The following AGO2 variants were observed in gnomAD, a reference collection of about 807,000 sequenced individuals.
AGO2 encodes the protein protein argonaute-2.
In AGO2, 5 loss-of-function variants were observed where a neutral mutation model predicts 102.3. The ratio of observed to expected loss-of-function variants is 0.05; its 90% confidence interval spans 0.03 to 0.10. The LOEUF (loss-of-function observed/expected upper bound fraction) is 0.10, where lower values mean the gene tolerates loss of function less well. Ranked by LOEUF, AGO2 falls within the 10% of genes least tolerant of loss-of-function variation. The pLI is 1.00. For synonymous variants in AGO2, 449 were observed against 473.1 expected (o/e 0.95, Z 0.66); for missense variants, 541 against 1,183.7 (o/e 0.46, Z 7.97).
At chr8:140,597,576 A>G (rs2073867338) in intron 1 of AGO2, among the ~76,000 whole-genome samples, 2 of 150,646 alleles carry the variant, frequency 1.3e-5, no homozygotes, top group Admixed American at 1.3e-4. Flanking sequence ...GGAAGGAGAA[A>G]TAAATGAGCA....
At chr8:140,579,664 G>A (rs1357789070) in intron 2 of AGO2, among the ~76,000 whole-genome samples, 2 of 150,420 alleles carry the variant, frequency 1.3e-5, no homozygotes, top group Admixed American at 6.6e-5. Context: ...GTCTTTTGTT[G>A]TTCTTTTTTT....
chr8:140,542,005 G>C (rs779185958), intron 14 of AGO2, among the ~76,000 whole-genome samples: 1 of 152,162 alleles, frequency 6.6e-6, no homozygotes, highest in Non-Finnish European at 1.5e-5. Context: ...AATGGGTGGG[G>C]GTGTCCCTAT....
Position 140,572,929 on chromosome 8 carries a change from T to A in AGO2, c.219A>T (p.Glu73Asp). 6.2e-7 allele frequency: 1 copy of A among 1,607,092 alleles called. No individual in the cohort carries two copies. Among genetic ancestry groups the A allele is most frequent in the Non-Finnish European group, 8.5e-7 (1 of 1,177,418 alleles). Residue 73 changes from glutamate (E) to aspartate (D), a missense_variant, in exon 3 of 19, where the codon GAA becomes GAT. Coordinates refer to ENST00000220592, the MANE Select transcript of AGO2 (RefSeq NM_012154.5). ...PEKCPRRVNR[E>D]IVEHMVQHFK... ...AGTGCTGGACCATGTGTTCCACGAT[T>A]TCCCTGAAACAAAGACAAAAGTCGG... is the stretch of plus-strand genomic sequence containing the variant.
chr8:140,625,754 G>A (rs1380490618), intron 1 of AGO2, among the ~76,000 whole-genome samples: 3 of 152,156 alleles, frequency 2.0e-5, no homozygotes, highest in Non-Finnish European at 4.4e-5. Context: ...TGTCCACAGG[G>A]TCACCCTCAA....
chr8:140,544,213 G>A lies in AGO2; in HGVS notation c.1839C>T (p.Ala613=), dbSNP rs759367780. The A allele has an allele frequency of 6.3e-6, 10 of 1,584,026 alleles. No individual in the cohort carries two copies. Among genetic ancestry groups the A allele is most frequent in the Middle Eastern group, 1.7e-4 (1 of 5,986 alleles). Residue 613 remains alanine (A), a splice_region_variant and synonymous_variant, in exon 14 of 19, where the codon GCC becomes GCT. Coordinates refer to ENST00000220592, the MANE Select transcript of AGO2 (RefSeq NM_012154.5). ...CCCATGGGGAAGCGCTGACACTCACGGCGGCAATGGAGGGCTTCTTCCCAT... is the reference window on the plus strand; with the variant it reads ...CCCATGGGGAAGCGCTGACACTCACAGCGGCAATGGAGGGCTTCTTCCCAT... The part of the protein sequence containing the change: ...AGDGKKPSIA[A]VVGSMDAHPN...
intron 4 of AGO2, 31 bp from the exon 5 acceptor site, chr8:140,560,541 G>GTCAGATGT: frequency 6.3e-7 from 1 of 1,594,012 alleles, no homozygotes. Context: ...CCCGCCTCCC[G>GTCAGATGT]TCAGATGTGT....
At chr8:140,600,725 G>A (rs1214187293) in intron 1 of AGO2, among the ~76,000 whole-genome samples, 2 of 150,544 alleles carry the variant, frequency 1.3e-5, no homozygotes, top group African/African-American at 4.9e-5. Context: ...TTTCCCATTC[G>A]GAGGAGAATT....
At chr8:140,580,216 C>T (rs1290051706) in intron 2 of AGO2, among the ~76,000 whole-genome samples, 1 of 152,248 alleles carries the variant, frequency 6.6e-6, no homozygotes, top group Non-Finnish European at 1.5e-5. Flanking sequence ...CCAAACCCCA[C>T]CCCGGCAGCC....
chr8:140,623,525 GC>G (rs2074239904), intron 1 of AGO2, among the ~76,000 whole-genome samples: 1 of 152,168 alleles, frequency 6.6e-6, no homozygotes, highest in Admixed American at 6.5e-5. Context: ...CAGCAGTCAG[GC>G]CCCCGGCTGG....
At chr8:140,562,414 G>A (rs1391842241) in intron 4 of AGO2, 39 bp downstream of exon 4, 3 of 1,584,134 alleles carry the variant, frequency 1.9e-6, no homozygotes, top group Non-Finnish European at 2.6e-6. Flanking sequence ...CGGAGCTGCA[G>A]GGGAGTCCCC....
intron 2 of AGO2, among the ~76,000 whole-genome samples, chr8:140,580,588 C>T (rs1395186574): frequency 6.6e-6 from 1 of 152,174 alleles, no homozygotes; most frequent in Admixed American, 6.5e-5. Context: ...CACCATCCAC[C>T]TCCCCACTGG....
rs1242806973 is a variant in AGO2 at position 140,558,559 on chromosome 8, C to T, written c.804G>A (p.Glu268=). Residue 268 remains glutamate, a synonymous_variant, in exon 7 of 19, where the codon GAG becomes GAA. Transcript: ENST00000220592. ...FTKEIKGLKV[E]ITHCGQMKRK... The stretch of plus-strand genomic sequence containing the variant: ...TCTTCATCTGCCCACAGTGCGTTAT[C>T]TCCACCTTTAGACCTGGGGACACAG... 1 of 1,614,118 alleles carries T rather than the reference C, an allele frequency of 6.2e-7. No individual in the cohort carries two copies. Among genetic ancestry groups the T allele is most frequent in the Non-Finnish European group, 8.5e-7 (1 of 1,180,050 alleles).
chr8:140,627,127 G>A (rs572825015), intron 1 of AGO2, among the ~76,000 whole-genome samples: 2 of 152,270 alleles, frequency 1.3e-5, no homozygotes, highest in South Asian at 2.1e-4. Context: ...CCACCTTCCC[G>A]CCCTGCATAA....
Position 140,590,873 on chromosome 8 carries a change from T to C in AGO2, c.23-5562A>G, listed in dbSNP as rs996517414. On this transcript the variant is annotated intron_variant, in intron 1 of 18. Transcript: ENST00000220592. Reference sequence around the variant, plus strand: ...GCCCCTTTGCCCTGGGGACAGATCCTGCTGCAGCCTCAGGACCTCATGGGT... The same window carrying C: ...GCCCCTTTGCCCTGGGGACAGATCCCGCTGCAGCCTCAGGACCTCATGGGT... Among the ~76,000 whole-genome samples the C allele has an allele frequency of 2.6e-5, 4 of 152,214 alleles. No homozygotes were observed. The East Asian group carries it at 7.7e-4, about 29-fold the overall frequency.
rs142744449 is a variant in AGO2, at chr8:140,549,295, G to T, written c.1407C>A (p.Ser469=). Reference sequence around the variant, plus strand: ...AGATCTTTCTGAGCTGCTCTGTGAAGGACCTGCAGGAGAAGGCTCCGTTCA... The same window carrying T: ...AGATCTTTCTGAGCTGCTCTGTGAATGACCTGCAGGAGAAGGCTCCGTTCA... ...QRQCTEVHLK[S]FTEQLRKISR... is the part of the protein sequence containing the mutation. The change falls in exon 12 of 19, where the codon TCC becomes TCA. Residue 469 remains serine (S), a synonymous_variant. Coordinates refer to ENST00000220592, the MANE Select transcript of AGO2 (RefSeq NM_012154.5). The T allele has an allele frequency of 5.4e-5, 86 of 1,590,276 alleles. No individual in the cohort carries two copies. The highest frequency in any genetic ancestry group is 1.7e-4 in the Middle Eastern group (1 of 6,010).
chr8:140,634,365 G>A (rs1251784705), intron 1 of AGO2, among the ~76,000 whole-genome samples: 2 of 152,266 alleles, frequency 1.3e-5, no homozygotes, highest in African/African-American at 2.4e-5. Context: ...TCGGGAATGC[G>A]AGCCTCCTCG....
At chr8:140,595,618 ATATATATATAT>A (rs1393823792) in intron 1 of AGO2, among the ~76,000 whole-genome samples, 2 of 6,544 alleles carry the variant, frequency 3.1e-4, no homozygotes, top group Non-Finnish European at 9.6e-4. Flanking sequence ...TATATATAAT[ATATATATATAT>A]TATATATATA....
At chr8:140,631,811 A>T (rs1425194092) in intron 1 of AGO2, among the ~76,000 whole-genome samples, 1 of 152,240 alleles carries the variant, frequency 6.6e-6, no homozygotes, top group Non-Finnish European at 1.5e-5. Flanking sequence ...TCGAGGTAAA[A>T]TGACAGGTCT....
Position 140,632,552 on chromosome 8 carries a change from C to T in AGO2, c.22+2933G>A, listed in dbSNP as rs76452551. On this transcript the variant is annotated intron_variant, in intron 1 of 18. Transcript: ENST00000220592. The stretch of plus-strand genomic sequence containing the variant: ...TGGCAAATCTGCGAGGGGTGTAACA[C>T]ACGGGAGCTTGAAAGTGTAGCAAAA... Among the ~76,000 whole-genome samples, 1,326 of 152,334 alleles carry T rather than the reference C, an allele frequency of 8.7e-3. 15 individuals carry two copies. Among genetic ancestry groups the T allele is most frequent in the African/African-American group, 0.03 (1,256 of 41,562 alleles).
Sources: allele counts gnomAD v4.1 joint callset (sites outside exome capture counted in the v4.1 genomes callset), GRCh38; gene constraint gnomAD v4.1.1; transcripts MANE v1.5; gene names NCBI Gene and HGNC (gene_info 2026-07-23, HGNC 2026-07-21).